MPZL1: variants seen among roughly 807,000 people sequenced by gnomAD.
The protein encoded by MPZL1 is myelin protein zero-like protein 1.
MPZL1 carries 16 observed loss-of-function variants against 29.3 expected under a neutral mutation model. That is an observed-to-expected ratio of 0.55 (90% CI 0.37 to 0.83). The LOEUF is 0.83. MPZL1 is among the 40% of genes least tolerant of loss of function. The pLI, the probability that MPZL1 is intolerant of heterozygous loss-of-function variation, is 0.00. For synonymous variants in MPZL1, 143 were observed against 132.0 expected, an observed-to-expected ratio of 1.08 and a Z score of -0.57; for missense variants, 279 against 332.9, an observed-to-expected ratio of 0.84 and a Z score of 1.26.
At position 167,736,388 on chromosome 1, in the gene MPZL1, A is replaced by T. The variant is rs554815656; in HGVS notation, c.91+14146A>T. ...TATCCCCAGTGCTCTGAACTGCAGAATCTTACCAACTGACCATTACATACA... is the reference window on the plus strand; with the variant it reads ...TATCCCCAGTGCTCTGAACTGCAGATTCTTACCAACTGACCATTACATACA... On this transcript the variant is annotated intron_variant, in intron 1 of 5. Transcript: ENST00000359523. 1.3e-4 allele frequency among the ~76,000 whole-genome samples: 20 copies of T among 152,316 alleles called. No individual in the cohort carries two copies. The East Asian group carries it at 3.9e-3, about 29-fold the overall frequency.
At position 167,739,274 on chromosome 1, in the gene MPZL1, C is replaced by CATATATATATATACATATATATAT. The variant is rs201991698; in HGVS notation, c.91+17039_91+17040insTATATACATATATATATATATATA. 1.2e-3 allele frequency among the ~76,000 whole-genome samples: 102 copies of CATATATATATATACATATATATAT among 83,214 alleles called. 2 individuals are homozygous for CATATATATATATACATATATATAT. Among genetic ancestry groups the CATATATATATATACATATATATAT allele is most frequent in the African/African-American group, 5.8e-3 (89 of 15,284 alleles). 54.6% of individuals were successfully genotyped at this position (83,214 alleles called of 152,430 possible). On this transcript the variant is annotated intron_variant, in intron 1 of 5. Coordinates refer to ENST00000359523, the MANE Select transcript of MPZL1 (RefSeq NM_003953.6). ...ACTAATACATACACATACATATATA[C>CATATATATATATACATATATATAT]ATATATACATATATATATATATATA...
chr1:167,768,172 G>T (rs903492763), intron 2 of MPZL1, among the ~76,000 whole-genome samples: 5 of 152,114 alleles, frequency 3.3e-5, no homozygotes, highest in African/African-American at 9.7e-5. Flanking sequence ...GCCACTGCAG[G>T]TTATCAGGAA....
chr1:167,778,093 C>T (rs1289176385), intron 5 of MPZL1, among the ~76,000 whole-genome samples: 5 of 152,112 alleles, frequency 3.3e-5, no homozygotes, highest in Admixed American at 2.0e-4. Context: ...GAGGCCAAGG[C>T]GGGTGGATCA....
intron 1 of MPZL1, among the ~76,000 whole-genome samples, chr1:167,745,144 A>G (rs1374768854): frequency 6.6e-6 from 1 of 152,036 alleles, no homozygotes; most frequent in Non-Finnish European, 1.5e-5. Flanking sequence ...AGGTCCTTAT[A>G]TGCCCCTTCA....
intron 4 of MPZL1, among the ~76,000 whole-genome samples, chr1:167,775,282 T>C (rs1661341615): frequency 6.6e-6 from 1 of 152,244 alleles, no homozygotes; most frequent in Admixed American, 6.5e-5. Context: ...ACACTTTAAA[T>C]GTGATTCTCC....
At chr1:167,785,731 A>G (rs1344658623) in intron 5 of MPZL1, among the ~76,000 whole-genome samples, 1 of 152,184 alleles carries the variant, frequency 6.6e-6, no homozygotes, top group African/African-American at 2.4e-5. Context: ...GTTCCGTCCT[A>G]TTCTTGGAAA....
rs568701978 is a variant in MPZL1, at chr1:167,733,364, C to T, written c.91+11122C>T. On this transcript the variant is annotated intron_variant, in intron 1 of 5. Coordinates refer to ENST00000359523, the MANE Select transcript of MPZL1 (RefSeq NM_003953.6). ...GTGACAGCAGTTCCCACTGTAAGTT[C>T]TAGGCTATAGATAAGAGTGTCACAA... Among the ~76,000 whole-genome samples, 3 of 152,280 alleles carry T rather than the reference C, an allele frequency of 2.0e-5. No homozygotes were observed. In the South Asian group the frequency reaches 6.2e-4, roughly 32 times the overall value.
At chr1:167,781,913 A>T (rs1661504872) in intron 5 of MPZL1, among the ~76,000 whole-genome samples, 1 of 152,104 alleles carries the variant, frequency 6.6e-6, no homozygotes, top group South Asian at 2.1e-4. Flanking sequence ...TGATGTCTTT[A>T]ATAAATTCTA....
chr1:167,770,745 A>G (rs548531187), intron 2 of MPZL1, among the ~76,000 whole-genome samples: 1 of 152,192 alleles, frequency 6.6e-6, no homozygotes, highest in Non-Finnish European at 1.5e-5. Context: ...GAAGACTCAG[A>G]TGGGCCTAAA....
At chr1:167,755,281 A>G (rs1660845287) in intron 1 of MPZL1, among the ~76,000 whole-genome samples, 1 of 152,098 alleles carries the variant, frequency 6.6e-6, no homozygotes, top group Non-Finnish European at 1.5e-5. Context: ...CTGTCCTTCT[A>G]GTAATAATTG....
Position 167,725,653 on chromosome 1 carries a change from T to C in MPZL1, c.91+3411T>C, listed in dbSNP as rs563987161. Among the ~76,000 whole-genome samples the C allele has an allele frequency of 5.9e-5, 9 of 152,030 alleles. No individual in the cohort carries two copies. The South Asian group carries it at 1.9e-3, about 32-fold the overall frequency. ...GGCGCATGCCACCATGCCCAGCTAA[T>C]TTTTGTATTTTTTAGTAGAAACTGG... On this transcript the variant is annotated intron_variant, in intron 1 of 5. Coordinates refer to ENST00000359523, the MANE Select transcript of MPZL1 (RefSeq NM_003953.6).
At chr1:167,725,898 G>A (rs1185094844) in intron 1 of MPZL1, among the ~76,000 whole-genome samples, 1 of 152,162 alleles carries the variant, frequency 6.6e-6, no homozygotes, top group Non-Finnish European at 1.5e-5. Flanking sequence ...TTACAGGCAT[G>A]AGCCACCACG....
chr1:167,772,137 G>C, intron 2 of MPZL1, 138 bp from the exon 3 acceptor site: 1 of 702,836 alleles, frequency 1.4e-6, no homozygotes, highest in South Asian at 1.9e-5. Context: ...GAGAGAGAGG[G>C]GGAGAGGGAG....
chr1:167,746,401 T>G (rs1660647307), intron 1 of MPZL1, among the ~76,000 whole-genome samples: 1 of 152,140 alleles, frequency 6.6e-6, no homozygotes, highest in South Asian at 2.1e-4. Flanking sequence ...TGTCTTGGCA[T>G]GTTAGGCAGC....
In MPZL1 at chr1:167,739,290, TATATATATATATATATATACAC is replaced by T. The variant is rs1482842964; in HGVS notation, c.91+17059_91+17080del. On this transcript the variant is annotated intron_variant, in intron 1 of 5. Coordinates refer to ENST00000359523, the MANE Select transcript of MPZL1 (RefSeq NM_003953.6). Reference sequence around the variant, plus strand: ...ACATATATACATATATACATATATATATATATATATATATATATACACATATATATATTTATGTTTATTCTTT... The same window carrying T: ...ACATATATACATATATACATATATATATATATATATTTATGTTTATTCTTT... Among the ~76,000 whole-genome samples, 31 of 92,750 alleles carry T rather than the reference TATATATATATATATATATACAC, an allele frequency of 3.3e-4. 2 individuals carry two copies. Among genetic ancestry groups the T allele is most frequent in the African/African-American group, 1.3e-3 (24 of 18,436 alleles). The allele number at this position is 92,750 out of a possible 152,430, so 60.8% of individuals were successfully genotyped here.
At chr1:167,774,772 A>G (rs1281069627) in intron 4 of MPZL1, 2 of 152,156 alleles carry the variant, frequency 1.3e-5, no homozygotes, top group Non-Finnish European at 1.5e-5. Context: ...TCCACTTCTT[A>G]AGAAAAGCTG....
At chr1:167,729,840 C>A (rs1255341368) in intron 1 of MPZL1, among the ~76,000 whole-genome samples, 1 of 152,168 alleles carries the variant, frequency 6.6e-6, no homozygotes, top group Non-Finnish European at 1.5e-5. Context: ...CCTCACAGCT[C>A]TGTGCAATAA....
intron 5 of MPZL1, among the ~76,000 whole-genome samples, chr1:167,778,777 G>A (rs1661426913): frequency 6.6e-6 from 1 of 151,448 alleles, no homozygotes; most frequent in African/African-American, 2.4e-5. Context: ...AGACCAAAAT[G>A]GAACTTCTGG....
At chr1:167,735,149 T>C (rs1660350832) in intron 1 of MPZL1, among the ~76,000 whole-genome samples, 2 of 152,238 alleles carry the variant, frequency 1.3e-5, no homozygotes, top group South Asian at 4.1e-4. Flanking sequence ...ATTTCTTTTC[T>C]CACTTTGTCC....
Sources: allele counts gnomAD v4.1 joint callset (sites outside exome capture counted in the v4.1 genomes callset), GRCh38; gene constraint gnomAD v4.1.1; transcripts MANE v1.5; gene names NCBI Gene and HGNC (gene_info 2026-07-23, HGNC 2026-07-21).